PRKG1: variants seen among roughly 807,000 people sequenced by gnomAD.
The protein encoded by PRKG1 is protein kinase cGMP-dependent 1.
Under a neutral mutation model 88.1 loss-of-function variants are expected in PRKG1, and 35 were observed. The ratio of observed to expected loss-of-function variants is 0.40; its 90% CI spans 0.30 to 0.53. The LOEUF is 0.53. Among genes scored for constraint, PRKG1 ranks in the 20% least tolerant of loss-of-function variants. The pLI is 0.59. For synonymous variants in PRKG1, 303 were observed against 292.5 expected (o/e 1.04, Z -0.37); for missense variants, 540 against 839.8 (o/e 0.64, Z 4.41).
At chr10:51,955,184 A>G (rs757236993) in intron 5 of PRKG1, among the ~76,000 whole-genome samples, 1 of 152,088 alleles carries the variant, frequency 6.6e-6, no homozygotes, top group East Asian at 1.9e-4. Context: ...GAGGGCCATC[A>G]CAAATTGGTC....
intron 1 of PRKG1, among the ~76,000 whole-genome samples, chr10:51,062,045 TAG>T (rs1843697863): frequency 6.6e-6 from 1 of 152,210 alleles, no homozygotes; most frequent in Non-Finnish European, 1.5e-5. Flanking sequence ...TGAAAAATTG[TAG>T]AGAGAGTATG....
intron 2 of PRKG1, among the ~76,000 whole-genome samples, chr10:51,220,517 G>A (rs1838500655): frequency 6.6e-6 from 1 of 151,706 alleles, no homozygotes; most frequent in Non-Finnish European, 1.5e-5. Flanking sequence ...CAGTCACGAG[G>A]GTGTAAAAAA....
intron 1 of PRKG1, among the ~76,000 whole-genome samples, chr10:51,088,808 ATT>A (rs200475991): frequency 0.01 from 1,423 of 136,950 alleles, 21 homozygotes; most frequent in African/African-American, 0.032. Context: ...ATTTAATATG[ATT>A]TTTTTTTTTT....
chr10:51,837,774 A>G (rs945252222), intron 4 of PRKG1, among the ~76,000 whole-genome samples: 1 of 152,214 alleles, frequency 6.6e-6, no homozygotes, highest in Non-Finnish European at 1.5e-5. Flanking sequence ...TTTTGTCTCC[A>G]TAACCCAATG....
intron 3 of PRKG1, among the ~76,000 whole-genome samples, chr10:51,705,959 G>A (rs139399941): frequency 3.9e-5 from 6 of 152,246 alleles, no homozygotes; most frequent in East Asian, 1.9e-4. Flanking sequence ...AGTTATTGAC[G>A]CCTGGGCACC....
intron 5 of PRKG1, among the ~76,000 whole-genome samples, chr10:51,992,288 G>T (rs918167914): frequency 6.6e-6 from 1 of 152,006 alleles, no homozygotes; most frequent in Admixed American, 6.6e-5. Context: ...CACAGAGAAG[G>T]ATTATAAATT....
chr10:51,814,110 C>G lies in PRKG1; in HGVS notation c.698+9420C>G, dbSNP rs1032708412. ...TTTCTGGTTCTTTTTTAACCTCCTG[C>G]CTTTGAGTTCCTCAAGCACAGGTTG... is the stretch of plus-strand genomic sequence containing the variant. On this transcript the variant is annotated intron_variant, in intron 4 of 17. Coordinates refer to ENST00000373980, the MANE Select transcript of PRKG1 (RefSeq NM_006258.4). 1.1e-4 allele frequency among the ~76,000 whole-genome samples: 17 copies of G among 152,112 alleles called. 1 individual carries two copies. The highest frequency in any genetic ancestry group is 1.6e-4 in the Non-Finnish European group (11 of 68,020).
intron 2 of PRKG1, among the ~76,000 whole-genome samples, chr10:51,395,889 C>G (rs922060404): frequency 1.3e-5 from 2 of 152,028 alleles, no homozygotes; most frequent in Non-Finnish European, 2.9e-5. Flanking sequence ...ACATTTCTGC[C>G]CTAGAAAGAT....
intron 7 of PRKG1, among the ~76,000 whole-genome samples, chr10:52,069,761 T>C (rs749053175): frequency 1.3e-5 from 2 of 152,144 alleles, no homozygotes; most frequent in Non-Finnish European, 1.5e-5. Context: ...CATGTGTCTA[T>C]AAATATGTCT....
intron 2 of PRKG1, chr10:51,319,713 C>T (rs1841406216): frequency 6.6e-6 from 1 of 152,196 alleles, no homozygotes; most frequent in Admixed American, 6.5e-5. Flanking sequence ...TGGCTTTATA[C>T]ATTTGGCCAA....
chr10:52,083,741 G>T (rs1033525607), intron 7 of PRKG1, among the ~76,000 whole-genome samples: 2 of 152,014 alleles, frequency 1.3e-5, no homozygotes, highest in Non-Finnish European at 2.9e-5. Flanking sequence ...TTTACCTAAA[G>T]AGTTCAAGGA....
intron 4 of PRKG1, among the ~76,000 whole-genome samples, chr10:51,898,661 C>T (rs866160988): frequency 2.0e-5 from 3 of 151,936 alleles, no homozygotes; most frequent in Admixed American, 6.6e-5. Flanking sequence ...ATGGTGAGAC[C>T]CTGCCTCTTC....
rs141117477 is a variant in PRKG1 at position 51,471,178 on chromosome 10, T to A, written c.592+3342T>A. ...TGTTCATGGCTTAATAGCCTCAAAT[T>A]TTCTTTATTAACTGTGATCTGAAAA... On this transcript the variant is annotated intron_variant, in intron 3 of 17. Transcript: ENST00000373980. Among the ~76,000 whole-genome samples, 327 of 152,042 alleles carry A rather than the reference T, an allele frequency of 2.2e-3. 3 individuals carry two copies. Among genetic ancestry groups the A allele is most frequent in the African/African-American group, 7.2e-3 (300 of 41,512 alleles).
intron 9 of PRKG1, among the ~76,000 whole-genome samples, chr10:52,213,011 G>A (rs146563394): frequency 1.0e-3 from 159 of 152,130 alleles, no homozygotes; most frequent in Non-Finnish European, 2.0e-3. Context: ...TAACCACTGC[G>A]TACATGAATG....
intron 1 of PRKG1, among the ~76,000 whole-genome samples, chr10:51,119,723 A>G (rs1283015804): frequency 6.6e-6 from 1 of 152,088 alleles, no homozygotes. Context: ...TCCATTTTAC[A>G]GTATGATCAT....
chr10:51,271,704 T>G (rs1839984170), intron 2 of PRKG1, among the ~76,000 whole-genome samples: 1 of 152,222 alleles, frequency 6.6e-6, no homozygotes, highest in Admixed American at 6.5e-5. Flanking sequence ...TTGCTGAGAA[T>G]GATGGTTTCC....
At chr10:51,236,873 G>A (rs1421188453) in intron 2 of PRKG1, among the ~76,000 whole-genome samples, 1 of 152,094 alleles carries the variant, frequency 6.6e-6, no homozygotes, top group East Asian at 1.9e-4. Context: ...CCTACATAAA[G>A]AAGCAACAGA....
At chr10:51,931,034 G>A (rs1324521099) in intron 5 of PRKG1, among the ~76,000 whole-genome samples, 1 of 152,106 alleles carries the variant, frequency 6.6e-6, no homozygotes, top group Non-Finnish European at 1.5e-5. Flanking sequence ...TCTTATTGAG[G>A]TTGTGTTTCT....
Position 51,225,633 on chromosome 10 carries a change from T to C in PRKG1, c.478+72303T>C, listed in dbSNP as rs951818259. ...TTATGTTTTCTTAACTTTTTGTTTA[T>C]TATACGTAAATACATTATTATTAAT... is the stretch of plus-strand genomic sequence containing the variant. On this transcript the variant is annotated intron_variant, in intron 2 of 17. Coordinates refer to ENST00000373980, the MANE Select transcript of PRKG1 (RefSeq NM_006258.4). Among the ~76,000 whole-genome samples the C allele has an allele frequency of 5.1e-4, 77 of 152,276 alleles. 2 individuals are homozygous for C. Among genetic ancestry groups the C allele is most frequent in the Middle Eastern group, 3.4e-3 (1 of 294 alleles).
Sources: allele counts gnomAD v4.1 joint callset (sites outside exome capture counted in the v4.1 genomes callset), GRCh38; gene constraint gnomAD v4.1.1; transcripts MANE v1.5; gene names NCBI Gene and HGNC (gene_info 2026-07-23, HGNC 2026-07-21).